The following HS6ST1 variants were observed in gnomAD, a reference collection of about 807,000 sequenced individuals.
The protein encoded by HS6ST1 is heparan-sulfate 6-O-sulfotransferase 1.
A neutral mutation model predicts 25.2 loss-of-function variants in HS6ST1; 3 were observed. The ratio of observed to expected loss-of-function variants is 0.12; its 90% CI spans 0.05 to 0.31. The LOEUF (loss-of-function observed/expected upper bound fraction) is 0.31, where lower values mean the gene tolerates loss of function less well. Among genes scored for constraint, HS6ST1 ranks in the 10% least tolerant of loss-of-function variants. The pLI is 1.00. For synonymous variants in HS6ST1, 204 were observed against 275.1 expected (o/e 0.74, Z 2.56); for missense variants, 310 against 609.6 (o/e 0.51, Z 5.18).
chr2:128,318,051 C>A lies in HS6ST1; in HGVS notation c.513G>T (p.Ala171=), dbSNP rs1285561205. 7 of 1,521,070 alleles carry A rather than the reference C, an allele frequency of 4.6e-6. No individual in the cohort carries two copies. Among genetic ancestry groups the A allele is most frequent in the Non-Finnish European group, 5.3e-6 (6 of 1,139,974 alleles). The allele number at this position is 1,521,070 out of a possible 1,614,324, so 94.2% of individuals were successfully genotyped here. ...CGGGCGCTCACCTGGGCGTGCGCAG[C>A]GCGGCGGAGTCGCGGCGGTCCAGCA... ...PGVLDRRDSA[A]LRTPRKFYYI... The change falls in exon 1 of 2, where the codon GCG becomes GCT. Residue 171 remains alanine (A), a synonymous_variant. Coordinates refer to ENST00000259241, the MANE Select transcript of HS6ST1 (RefSeq NM_004807.3). This position sits in a 1 kb window ranked among gnomAD's most constrained non-coding sequence, Gnocchi z 5.7.
At chr2:128,271,801 C>G (rs1475295699) in intron 1 of HS6ST1, among the ~76,000 whole-genome samples, 2 of 152,240 alleles carry the variant, frequency 1.3e-5, no homozygotes, top group Non-Finnish European at 2.9e-5. Flanking sequence ...GGGCTTTCCC[C>G]TCCTGGGAGG....
intron 1 of HS6ST1, among the ~76,000 whole-genome samples, chr2:128,317,033 C>A (rs890558003): frequency 2.6e-5 from 4 of 152,258 alleles, no homozygotes; most frequent in African/African-American, 7.2e-5. Flanking sequence ...AGACAAGAAG[C>A]CCTGCTCCTG....
chr2:128,280,042 C>G (rs1001558118), intron 1 of HS6ST1, among the ~76,000 whole-genome samples: 2 of 152,188 alleles, frequency 1.3e-5, no homozygotes, highest in African/African-American at 4.8e-5. Flanking sequence ...GAAATGAGAA[C>G]CTTCAGGAGG....
chr2:128,282,114 C>T (rs887449959), intron 1 of HS6ST1, among the ~76,000 whole-genome samples: 6 of 152,234 alleles, frequency 3.9e-5, no homozygotes, highest in Non-Finnish European at 7.3e-5. Context: ...CTGCTCAGGA[C>T]GCCCTGCTGA....
chr2:128,277,224 C>T (rs928253732), intron 1 of HS6ST1, among the ~76,000 whole-genome samples: 4 of 152,174 alleles, frequency 2.6e-5, no homozygotes, highest in African/African-American at 9.7e-5. Flanking sequence ...ACTTTGCTGG[C>T]AAATGAGGTT....
intron 1 of HS6ST1, among the ~76,000 whole-genome samples, chr2:128,287,481 T>C (rs1693882503): frequency 6.6e-6 from 1 of 152,156 alleles, no homozygotes; most frequent in African/African-American, 2.4e-5. Context: ...ATGTGAGGCT[T>C]AGGACTGCCT....
chr2:128,307,213 C>G (rs1210594699), intron 1 of HS6ST1, among the ~76,000 whole-genome samples: 2 of 152,158 alleles, frequency 1.3e-5, no homozygotes, highest in African/African-American at 4.8e-5. Flanking sequence ...CAGGGCTGTG[C>G]AGGTGCCACC....
At chr2:128,272,094 C>T (rs1693616797) in intron 1 of HS6ST1, among the ~76,000 whole-genome samples, 1 of 152,214 alleles carries the variant, frequency 6.6e-6, no homozygotes, top group African/African-American at 2.4e-5. Flanking sequence ...TTCTCTAAGT[C>T]CCTTCTCCCT....
chr2:128,284,920 T>G (rs1194512317), intron 1 of HS6ST1, among the ~76,000 whole-genome samples: 1 of 152,156 alleles, frequency 6.6e-6, no homozygotes, highest in African/African-American at 2.4e-5. Context: ...GCCTAAATGC[T>G]GAGCTCAGTT....
At chr2:128,288,652 C>T (rs572578266) in intron 1 of HS6ST1, among the ~76,000 whole-genome samples, 6 of 152,012 alleles carry the variant, frequency 3.9e-5, no homozygotes, top group Non-Finnish European at 5.9e-5. Flanking sequence ...TGTATTTTTC[C>T]GATTTTATAT....
intron 1 of HS6ST1, among the ~76,000 whole-genome samples, chr2:128,304,267 C>T (rs555553059): frequency 6.6e-6 from 1 of 152,208 alleles, no homozygotes; most frequent in Non-Finnish European, 1.5e-5. Flanking sequence ...ATAGCTCCCC[C>T]TCCCCGACCC....
chr2:128,271,818 T>C (rs1262062408), intron 1 of HS6ST1, among the ~76,000 whole-genome samples: 1 of 152,184 alleles, frequency 6.6e-6, no homozygotes, highest in Non-Finnish European at 1.5e-5. Context: ...GAGGAACTCA[T>C]TCCTCAGCCG....
chr2:128,271,143 T>C (rs930574639), intron 1 of HS6ST1, among the ~76,000 whole-genome samples: 32 of 152,230 alleles, frequency 2.1e-4, no homozygotes, highest in African/African-American at 7.7e-4. Context: ...GCTAGCTGAC[T>C]GGAAGACCTG....
chr2:128,305,158 C>A (rs1694189822), intron 1 of HS6ST1, among the ~76,000 whole-genome samples: 1 of 152,246 alleles, frequency 6.6e-6, no homozygotes, highest in African/African-American at 2.4e-5. Context: ...TTGCTCCTGT[C>A]CTGGAACAGC....
At position 128,318,605 on chromosome 2, in the gene HS6ST1, G is replaced by C. The variant is rs1403385975; in HGVS notation, c.-42C>G. On this transcript the variant is annotated 5_prime_UTR_variant, in exon 1 of 2. Coordinates refer to ENST00000259241, the MANE Select transcript of HS6ST1 (RefSeq NM_004807.3). The surrounding 1 kb of genome is among the most constrained non-coding windows in gnomAD (Gnocchi z 5.7). The stretch of plus-strand genomic sequence containing the variant: ...GGCCCGGGCGCGGGGCGCGGGGCCT[G>C]GGAGGGCAGGAGGCGCGGGCGCAGC... The C allele has an allele frequency of 1.8e-6, 2 of 1,114,074 alleles. No homozygotes were observed. The highest frequency in any genetic ancestry group is 2.3e-6 in the Non-Finnish European group (2 of 866,632). 69.0% of individuals were successfully genotyped at this position (1,114,074 alleles called of 1,614,324 possible).
intron 1 of HS6ST1, among the ~76,000 whole-genome samples, chr2:128,293,552 A>G (rs1201972341): frequency 6.6e-6 from 1 of 152,148 alleles, no homozygotes; most frequent in East Asian, 1.9e-4. Context: ...GCAGCAGACC[A>G]TGGTCCGAGG....
intron 1 of HS6ST1, 143 bp from the exon 2 acceptor site, chr2:128,269,013 G>A (rs112392581): frequency 1.5e-4 from 109 of 706,866 alleles, no homozygotes; most frequent in Middle Eastern, 7.0e-4. Flanking sequence ...GCTCTCAGTC[G>A]TTTCAAAACC....
chr2:128,288,282 C>G (rs760698676), intron 1 of HS6ST1, among the ~76,000 whole-genome samples: 1 of 152,074 alleles, frequency 6.6e-6, no homozygotes, highest in Non-Finnish European at 1.5e-5. Context: ...CGTGGAGGCC[C>G]GAGAGGGAGG....
At chr2:128,292,882 C>G (rs772250591) in intron 1 of HS6ST1, among the ~76,000 whole-genome samples, 52 of 152,030 alleles carry the variant, frequency 3.4e-4, no homozygotes, top group Non-Finnish European at 5.6e-4. Flanking sequence ...GCACCTGAGA[C>G]ATGGGGTGTG....
Sources: gnomAD v4.1 joint callset for allele counts (sites outside exome capture counted in the v4.1 genomes callset) on GRCh38, gnomAD v4.1.1 for gene constraint, Gnocchi (gnomAD v3.1) non-coding constraint, MANE v1.5 for transcripts, NCBI Gene and HGNC (gene_info 2026-07-23, HGNC 2026-07-21) for gene names.